COL24A1: variants seen among roughly 807,000 people sequenced by gnomAD.
COL24A1 encodes collagen alpha-1(XXIV) chain.
In COL24A1, 224 loss-of-function variants were observed where a neutral mutation model predicts 253.9. The observed-to-expected ratio is 0.88, with a 90% confidence interval of 0.79 to 0.99. The LOEUF is 0.99. COL24A1 is among the 50% of genes least tolerant of loss of function. The pLI is 0.00. For synonymous variants in COL24A1, 685 were observed against 673.7 expected (o/e 1.02, Z -0.26); for missense variants, 2,131 against 2,068.5 (o/e 1.03, Z -0.59).
intron 52 of COL24A1, among the ~76,000 whole-genome samples, chr1:85,776,415 C>G (rs1668549010): frequency 2.6e-5 from 4 of 151,994 alleles, no homozygotes; most frequent in Non-Finnish European, 4.4e-5. Flanking sequence ...TTTGCCATTG[C>G]TGGGTGGACC....
chr1:85,919,453 A>G (rs1686230229), intron 24 of COL24A1, among the ~76,000 whole-genome samples: 1 of 152,202 alleles, frequency 6.6e-6, no homozygotes, highest in Non-Finnish European at 1.5e-5. Context: ...TTAAGGCAGG[A>G]GGATTGCTTG....
chr1:86,086,456 C>T (rs969099966), intron 7 of COL24A1, among the ~76,000 whole-genome samples: 1 of 152,166 alleles, frequency 6.6e-6, no homozygotes, highest in South Asian at 2.1e-4. Flanking sequence ...CTGAGACACT[C>T]ATAAATGTCA....
rs150579541 is a variant in COL24A1, at chr1:85,830,767, T to C, written c.3682-7029A>G. On this transcript the variant is annotated intron_variant, in intron 43 of 59. Coordinates refer to ENST00000370571, the MANE Select transcript of COL24A1 (RefSeq NM_152890.7). ...GCGCTTGCCGAGTGAGGCAATGCCT[T>C]GCCCTGCTTCGGCTCGCGCACAGTG... Among the ~76,000 whole-genome samples the C allele has an allele frequency of 9.2e-3, 1,395 of 152,264 alleles. 74 individuals carry two copies. The highest frequency in any genetic ancestry group is 0.066 in the Admixed American group (1,006 of 15,250).
chr1:85,968,853 T>C (rs1691830236), intron 22 of COL24A1, among the ~76,000 whole-genome samples: 1 of 152,162 alleles, frequency 6.6e-6, no homozygotes, highest in Non-Finnish European at 1.5e-5. Flanking sequence ...AGAATATCAG[T>C]AACAGAATCA....
chr1:86,092,179 C>G (rs1703541006), intron 6 of COL24A1, 88 bp downstream of exon 6: 1 of 981,016 alleles, frequency 1.0e-6, no homozygotes, highest in Admixed American at 2.4e-5. Context: ...CTGTCTGATA[C>G]AGTAAAATCT....
At chr1:85,826,290 GT>G (rs1241713083) in intron 43 of COL24A1, among the ~76,000 whole-genome samples, 2 of 147,724 alleles carry the variant, frequency 1.4e-5, no homozygotes, top group East Asian at 2.0e-4. Flanking sequence ...CTATATCTCT[GT>G]TTTGGTAACA....
At chr1:85,862,523 ACAAT>A (rs1325015530) in intron 37 of COL24A1, among the ~76,000 whole-genome samples, 1 of 152,144 alleles carries the variant, frequency 6.6e-6, no homozygotes, top group Non-Finnish European at 1.5e-5. Flanking sequence ...CCCTCCTGAC[ACAAT>A]CATCTTGGGA....
intron 8 of COL24A1, among the ~76,000 whole-genome samples, chr1:86,060,783 T>G (rs61800732): frequency 0.13 from 19,421 of 152,042 alleles, 1,386 homozygotes; most frequent in Middle Eastern, 0.24. Context: ...AACAATGGCC[T>G]TCTGAGGATT....
chr1:86,036,892 C>G lies in COL24A1; in HGVS notation c.1951-2969G>C, dbSNP rs626047. ...ATCAAATTGTGTTTTCCTAAAAATA[C>G]TCTCACGTTGCCAAAGGACAAAATG... is the stretch of plus-strand genomic sequence containing the variant. On this transcript the variant is annotated intron_variant, in intron 12 of 59. Coordinates refer to ENST00000370571, the MANE Select transcript of COL24A1 (RefSeq NM_152890.7). Among the ~76,000 whole-genome samples, 1,477 of 152,212 alleles carry G rather than the reference C, an allele frequency of 9.7e-3. 37 individuals are homozygous for G. Among genetic ancestry groups the G allele is most frequent in the African/African-American group, 0.033 (1,380 of 41,542 alleles).
intron 3 of COL24A1, among the ~76,000 whole-genome samples, chr1:86,118,443 T>C: frequency 6.6e-6 from 1 of 152,340 alleles, no homozygotes; most frequent in Non-Finnish European, 1.5e-5. Flanking sequence ...GGATAATATA[T>C]ACATTAAGGT....
intron 18 of COL24A1, 96 bp downstream of exon 18, chr1:86,022,144 G>A: frequency 9.5e-7 from 1 of 1,055,970 alleles, no homozygotes; most frequent in Non-Finnish European, 1.5e-6. Context: ...CAAATGCTCA[G>A]TAGGCTTATA....
intron 57 of COL24A1, among the ~76,000 whole-genome samples, chr1:85,739,449 T>C (rs1243206144): frequency 6.6e-6 from 1 of 152,158 alleles, no homozygotes; most frequent in African/African-American, 2.4e-5. Context: ...AACTAGCTCT[T>C]CCCTGAGGAC....
chr1:86,058,192 T>C (rs116163178), intron 9 of COL24A1, among the ~76,000 whole-genome samples: 2 of 152,032 alleles, frequency 1.3e-5, no homozygotes, highest in Non-Finnish European at 2.9e-5. Context: ...ATTTTAGATA[T>C]ATAAATAAAG....
chr1:85,872,657 C>T (rs551202616), intron 35 of COL24A1, among the ~76,000 whole-genome samples: 35 of 152,100 alleles, frequency 2.3e-4, no homozygotes, highest in Non-Finnish European at 4.6e-4. Flanking sequence ...GAAAACGGAT[C>T]CCTTTCTTAC....
intron 7 of COL24A1, among the ~76,000 whole-genome samples, chr1:86,084,007 T>C (rs964867984): frequency 6.6e-6 from 1 of 152,184 alleles, no homozygotes; most frequent in Non-Finnish European, 1.5e-5. Flanking sequence ...TTCTACAAAT[T>C]AGGTAACTAC....
intron 19 of COL24A1, among the ~76,000 whole-genome samples, chr1:85,993,167 A>T (rs536123021): frequency 2.0e-5 from 3 of 152,216 alleles, no homozygotes; most frequent in African/African-American, 7.2e-5. Context: ...TATCATTCTT[A>T]TTTGGCAGTA....
At position 85,871,743 on chromosome 1, in the gene COL24A1, C is replaced by A. The variant is rs1228305279; in HGVS notation, c.3138+2906G>T. On this transcript the variant is annotated intron_variant, in intron 35 of 59. Transcript: ENST00000370571. ...TGACAAACCCACAGCCAATATCATA[C>A]TGAATGGGCAAAAAACTGGAAGCAT... Among the ~76,000 whole-genome samples the A allele has an allele frequency of 2.0e-5, 3 of 152,206 alleles. No homozygotes were observed. In the South Asian group the frequency reaches 6.2e-4, roughly 32 times the overall value.
rs769302302 is a variant in COL24A1, at chr1:85,953,351, T to C, written c.2562+7898A>G. Among the ~76,000 whole-genome samples the C allele has an allele frequency of 3.3e-5, 5 of 152,300 alleles. No homozygotes were observed. In the East Asian group the frequency reaches 9.6e-4, roughly 29 times the overall value. ...ACCTAAGAGAATAGTAACATGTTTT[T>C]AGCAAAATAAAGCCAGAGTTTCTCT... On this transcript the variant is annotated intron_variant, in intron 24 of 59. Transcript: ENST00000370571.
At chr1:86,030,467 T>A (rs1698469422) in intron 14 of COL24A1, 3 of 152,362 alleles carry the variant, frequency 2.0e-5, no homozygotes, top group Admixed American at 2.0e-4. Context: ...GATGACCTAC[T>A]TCTTAGGTCT....
Sources: allele counts gnomAD v4.1 joint callset (sites outside exome capture counted in the v4.1 genomes callset), GRCh38; gene constraint gnomAD v4.1.1; transcripts MANE v1.5; gene names NCBI Gene and HGNC (gene_info 2026-07-23, HGNC 2026-07-21).